CSMD1: variants seen among roughly 807,000 people sequenced by gnomAD.
The protein encoded by CSMD1 is CUB and sushi domain-containing protein 1.
In CSMD1, 213 loss-of-function variants were observed where a neutral mutation model predicts 417.5. That is an observed-to-expected ratio of 0.51 (90% CI 0.46 to 0.57). The LOEUF (loss-of-function observed/expected upper bound fraction) is 0.57. CSMD1 is among the 20% of genes least tolerant of loss of function. CSMD1 has a pLI of 0.00. For missense variants in CSMD1, 6,923 were observed against 4,529.7 expected, an observed-to-expected ratio of 1.53 and a Z score of -15.17; for synonymous variants, 2,862 against 1,736.8, an observed-to-expected ratio of 1.65 and a Z score of -16.11.
chr8:3,644,970 A>AAT (rs780275445), intron 7 of CSMD1, among the ~76,000 whole-genome samples: 22,310 of 141,710 alleles, frequency 0.16, 1,677 homozygotes, highest in East Asian at 0.27. Flanking sequence ...TTAAATGAAA[A>AAT]AAAAAAAAAA....
chr8:4,573,547 G>T (rs1025165748), intron 2 of CSMD1, among the ~76,000 whole-genome samples: 3 of 152,140 alleles, frequency 2.0e-5, no homozygotes, highest in African/African-American at 7.2e-5. Context: ...TCCTGTATGA[G>T]ATGTCTGTTG....
Position 3,091,395 on chromosome 8 carries a change from G to GTATA in CSMD1, c.7285+120_7285+121insTATA. On this transcript the variant is annotated intron_variant, in intron 48 of 69. Coordinates refer to ENST00000635120, the MANE Select transcript of CSMD1 (RefSeq NM_033225.6). ...TTACCCATCATATATTTCTACTGTA[G>GTATA]TTAATTATTAATCTTTAAGAATTAG... 3.0e-6 allele frequency: 2 copies of GTATA among 662,544 alleles called. 1 individual carries two copies. The highest frequency in any genetic ancestry group is 6.6e-5 in the South Asian group (2 of 30,316). 41.0% of individuals were successfully genotyped at this position (662,544 alleles called of 1,614,324 possible).
At chr8:3,508,287 G>A (rs950474277) in intron 10 of CSMD1, among the ~76,000 whole-genome samples, 5 of 148,148 alleles carry the variant, frequency 3.4e-5, no homozygotes, top group Non-Finnish European at 7.4e-5. Context: ...GCTCACCTGC[G>A]CCCCCTCCCC....
At chr8:3,418,202 G>A (rs1813276145) in intron 12 of CSMD1, among the ~76,000 whole-genome samples, 1 of 152,136 alleles carries the variant, frequency 6.6e-6, no homozygotes, top group Non-Finnish European at 1.5e-5. Flanking sequence ...CACCTGCTGT[G>A]TTTTTCCTTC....
chr8:4,509,919 A>G lies in CSMD1; in HGVS notation c.303-89854T>C, dbSNP rs1476169798. ...AGGGTGTTTATGTGGTTTACCTGATAGAGGTATATGAAAGCCTTAAATCAC... is the reference window on the plus strand; with the variant it reads ...AGGGTGTTTATGTGGTTTACCTGATGGAGGTATATGAAAGCCTTAAATCAC... On this transcript the variant is annotated intron_variant, in intron 2 of 69. Coordinates refer to ENST00000635120, the MANE Select transcript of CSMD1 (RefSeq NM_033225.6). Among the ~76,000 whole-genome samples, 3 of 152,180 alleles carry G rather than the reference A, an allele frequency of 2.0e-5. No homozygotes were observed. The East Asian group carries it at 5.8e-4, about 29-fold the overall frequency.
intron 3 of CSMD1, among the ~76,000 whole-genome samples, chr8:4,295,823 T>C (rs1472704665): frequency 6.9e-6 from 1 of 144,252 alleles, no homozygotes; most frequent in Non-Finnish European, 1.5e-5. Flanking sequence ...TTAAAGTTAA[T>C]TCTCCCTTAT....
intron 3 of CSMD1, among the ~76,000 whole-genome samples, chr8:4,080,984 G>T (rs559226007): frequency 9.2e-5 from 14 of 152,016 alleles, no homozygotes; most frequent in Non-Finnish European, 1.8e-4. Context: ...TATACAAGAG[G>T]CTTCACACAG....
At chr8:4,474,229 G>A (rs1235167981) in intron 2 of CSMD1, among the ~76,000 whole-genome samples, 2 of 151,976 alleles carry the variant, frequency 1.3e-5, no homozygotes, top group African/African-American at 4.8e-5. Flanking sequence ...GTTTATTATA[G>A]GTATAACACG....
At chr8:4,668,415 C>CATTATTATTATTATT (rs35735246) in intron 1 of CSMD1, among the ~76,000 whole-genome samples, 35 of 129,994 alleles carry the variant, frequency 2.7e-4, no homozygotes, top group Non-Finnish European at 3.2e-4. Flanking sequence ...TGATGTTTTC[C>CATTATTATTATTATT]ATTATTATTA....
intron 23 of CSMD1, among the ~76,000 whole-genome samples, chr8:3,334,557 A>G (rs1488636689): frequency 6.6e-6 from 1 of 152,252 alleles, no homozygotes; most frequent in African/African-American, 2.4e-5. Flanking sequence ...TGACAGCTAC[A>G]TAAACCCACA....
intron 1 of CSMD1, among the ~76,000 whole-genome samples, chr8:4,692,467 A>C (rs1806830546): frequency 2.6e-5 from 4 of 152,168 alleles, no homozygotes. Context: ...GCTATGGTCG[A>C]CCACATGGGA....
At chr8:4,306,477 C>A (rs544301085) in intron 3 of CSMD1, among the ~76,000 whole-genome samples, 35 of 152,222 alleles carry the variant, frequency 2.3e-4, no homozygotes, top group Non-Finnish European at 4.3e-4. Flanking sequence ...GTGAATGCCT[C>A]AGCAGGGTGT....
chr8:4,149,000 G>C (rs1023831258), intron 3 of CSMD1, among the ~76,000 whole-genome samples: 8 of 144,304 alleles, frequency 5.5e-5, no homozygotes, highest in Admixed American at 4.2e-4. Flanking sequence ...TTTCACTCTT[G>C]TTGCCCAGGC....
chr8:3,498,704 T>C (rs1294356503), intron 10 of CSMD1, among the ~76,000 whole-genome samples: 2 of 152,212 alleles, frequency 1.3e-5, no homozygotes, highest in African/African-American at 4.8e-5. Context: ...TATTCTTTTT[T>C]GTCTGACTGG....
At chr8:4,291,286 T>G (rs1797345805) in intron 3 of CSMD1, among the ~76,000 whole-genome samples, 1 of 152,090 alleles carries the variant, frequency 6.6e-6, no homozygotes, top group Admixed American at 6.6e-5. Flanking sequence ...AAATATGGAT[T>G]AAAAGTCAAG....
At chr8:4,316,733 G>C (rs1008813357) in intron 3 of CSMD1, among the ~76,000 whole-genome samples, 1 of 152,030 alleles carries the variant, frequency 6.6e-6, no homozygotes, top group African/African-American at 2.4e-5. Context: ...CAGAACGATA[G>C]TTAAATAAGA....
intron 2 of CSMD1, among the ~76,000 whole-genome samples, chr8:4,571,858 G>C (rs1333417647): frequency 6.6e-6 from 1 of 152,104 alleles, no homozygotes; most frequent in Admixed American, 6.5e-5. Flanking sequence ...TTCTTGCATT[G>C]ATCCCTTTAC....
intron 3 of CSMD1, among the ~76,000 whole-genome samples, chr8:4,067,693 A>C (rs1046818607): frequency 3.3e-5 from 5 of 152,210 alleles, no homozygotes; most frequent in Non-Finnish European, 7.3e-5. Context: ...CCTGTGGAAT[A>C]TTAAACTTTC....
chr8:3,861,048 T>A (rs1257897550), intron 5 of CSMD1, among the ~76,000 whole-genome samples: 3 of 152,174 alleles, frequency 2.0e-5, no homozygotes, highest in African/African-American at 4.8e-5. Context: ...CTTAATTTGC[T>A]CCTCTCCCCT....
Sources: gnomAD v4.1 joint callset for allele counts (sites outside exome capture counted in the v4.1 genomes callset) on GRCh38, gnomAD v4.1.1 for gene constraint, MANE v1.5 for transcripts, NCBI Gene and HGNC (gene_info 2026-07-23, HGNC 2026-07-21) for gene names.